KCNMA1: variants seen among roughly 807,000 people sequenced by gnomAD.
The protein encoded by KCNMA1 is Calcium-activated potassium channel subunit alpha-1.
A neutral mutation model predicts 140.0 loss-of-function variants in KCNMA1; 29 were observed. The observed-to-expected ratio is 0.21, with a 90% CI of 0.15 to 0.28. The LOEUF (loss-of-function observed/expected upper bound fraction) is 0.28, where lower values mean the gene tolerates loss of function less well. Ranked by LOEUF, KCNMA1 falls within the 10% of genes least tolerant of loss-of-function variation. The probability of loss-of-function intolerance (pLI) is 1.00; values close to 1 mark genes in which losing one functional copy is unlikely to be tolerated. For synonymous variants in KCNMA1, 612 were observed against 611.9 expected (o/e 1.00, Z 0.00); for missense variants, 880 against 1,602.2 (o/e 0.55, Z 7.70).
At chr10:77,623,010 G>A (rs2091786436) in intron 1 of KCNMA1, among the ~76,000 whole-genome samples, 1 of 152,218 alleles carries the variant, frequency 6.6e-6, no homozygotes, top group Non-Finnish European at 1.5e-5. Flanking sequence ...CTGGTGAGAT[G>A]AGGAAGAAAG....
intron 12 of KCNMA1, chr10:77,079,836 T>A: frequency 2.1e-6 from 1 of 477,082 alleles, no homozygotes; most frequent in South Asian, 2.1e-5. Flanking sequence ...CCCTAGAACA[T>A]TACTATTACT....
chr10:77,284,314 C>T (rs1435490921), intron 2 of KCNMA1, among the ~76,000 whole-genome samples: 1 of 151,942 alleles, frequency 6.6e-6, no homozygotes, highest in African/African-American at 2.4e-5. Flanking sequence ...CATTTTGTTC[C>T]CTGGGAGAGT....
intron 9 of KCNMA1, among the ~76,000 whole-genome samples, chr10:77,095,777 C>T (rs2096917011): frequency 1.3e-5 from 2 of 152,154 alleles, no homozygotes; most frequent in Middle Eastern, 3.2e-3. Flanking sequence ...AGCCTGCATG[C>T]CCAAGTTGAG....
At chr10:77,528,237 G>A (rs114973499) in intron 1 of KCNMA1, among the ~76,000 whole-genome samples, 2,973 of 152,264 alleles carry the variant, frequency 0.02, 110 homozygotes, top group African/African-American at 0.068. Flanking sequence ...ACATCCTCAA[G>A]AATCCAGCAA....
intron 21 of KCNMA1, chr10:76,951,891 C>G (rs1173957917): frequency 1.3e-6 from 1 of 793,398 alleles, no homozygotes; most frequent in African/African-American, 1.7e-5. Context: ...CCCAGCCCCA[C>G]CCTGCTAGAA....
intron 1 of KCNMA1, among the ~76,000 whole-genome samples, chr10:77,459,356 G>A (rs1297205798): frequency 6.6e-6 from 1 of 152,250 alleles, no homozygotes; most frequent in African/African-American, 2.4e-5. Flanking sequence ...AACACACAGA[G>A]AGAGACACAA....
intron 5 of KCNMA1, among the ~76,000 whole-genome samples, chr10:77,166,396 G>A (rs2098642633): frequency 6.6e-6 from 1 of 152,160 alleles, no homozygotes; most frequent in Non-Finnish European, 1.5e-5. Flanking sequence ...CTTTGTGGTG[G>A]ATACTGGGCA....
intron 1 of KCNMA1, among the ~76,000 whole-genome samples, chr10:77,572,548 G>T: frequency 1.6e-5 from 1 of 60,838 alleles, no homozygotes; most frequent in Admixed American, 2.2e-4. Flanking sequence ...AAACTCTGTC[G>T]CTCCAAAAAA....
intron 18 of KCNMA1, among the ~76,000 whole-genome samples, chr10:77,004,199 A>G (rs2087538612): frequency 6.8e-6 from 1 of 146,836 alleles, no homozygotes; most frequent in Admixed American, 7.0e-5. Context: ...ATCTCAAAAG[A>G]CAAACAAGTG....
chr10:76,954,386 G>C (rs1392227991), intron 20 of KCNMA1, among the ~76,000 whole-genome samples: 1 of 152,194 alleles, frequency 6.6e-6, no homozygotes, highest in Non-Finnish European at 1.5e-5. Flanking sequence ...TGACTGACTG[G>C]CATGAGGATG....
At chr10:77,291,637 C>G (rs1031111397) in intron 2 of KCNMA1, among the ~76,000 whole-genome samples, 3 of 152,180 alleles carry the variant, frequency 2.0e-5, no homozygotes, top group African/African-American at 7.2e-5. Flanking sequence ...GGAGAATAAT[C>G]AACAGAAGGA....
intron 22 of KCNMA1, among the ~76,000 whole-genome samples, chr10:76,946,437 G>C (rs995324382): frequency 2.0e-5 from 3 of 152,202 alleles, no homozygotes; most frequent in African/African-American, 7.2e-5. Context: ...CCTTTCTGGA[G>C]AACTGGCTTT....
At chr10:77,296,263 G>A (rs1319786975) in intron 2 of KCNMA1, among the ~76,000 whole-genome samples, 1 of 152,112 alleles carries the variant, frequency 6.6e-6, no homozygotes, top group Non-Finnish European at 1.5e-5. Flanking sequence ...AGTAAGAAGT[G>A]ATGTGAGGAA....
intron 1 of KCNMA1, among the ~76,000 whole-genome samples, chr10:77,458,597 T>C (rs969494155): frequency 2.0e-5 from 3 of 152,244 alleles, no homozygotes; most frequent in Non-Finnish European, 4.4e-5. Flanking sequence ...ACCTCAAAAA[T>C]GGCAATTTCA....
At chr10:77,517,308 G>A (rs985036000) in intron 1 of KCNMA1, among the ~76,000 whole-genome samples, 1 of 152,168 alleles carries the variant, frequency 6.6e-6, no homozygotes, top group Non-Finnish European at 1.5e-5. Context: ...AACCGGGCAG[G>A]CAAAACCACC....
At chr10:77,491,823 T>A (rs1449884856) in intron 1 of KCNMA1, among the ~76,000 whole-genome samples, 1 of 152,138 alleles carries the variant, frequency 6.6e-6, no homozygotes. Flanking sequence ...TGCAAGTAGT[T>A]ATTTTGAGAA....
At chr10:77,327,480 G>C (rs1008925256) in intron 2 of KCNMA1, among the ~76,000 whole-genome samples, 1 of 151,894 alleles carries the variant, frequency 6.6e-6, no homozygotes, top group African/African-American at 2.4e-5. Context: ...CAGCCTCCTA[G>C]GTAGCTGAGA....
chr10:76,962,373 T>C lies in KCNMA1; in HGVS notation c.2360+7601A>G, dbSNP rs115896023. Among the ~76,000 whole-genome samples the C allele has an allele frequency of 1.3e-3, 201 of 152,306 alleles. 1 individual carries two copies. The highest frequency in any genetic ancestry group is 4.7e-3 in the African/African-American group (195 of 41,572). On this transcript the variant is annotated intron_variant, in intron 20 of 27. Coordinates refer to ENST00000286628, the MANE Select transcript of KCNMA1 (RefSeq NM_001161352.2). ...CATGTCTTATCACACGATAAGGCCT[T>C]TTCTGTCATTATGAGCATCCCATCC...
At chr10:77,260,695 C>A (rs1022886643) in intron 2 of KCNMA1, among the ~76,000 whole-genome samples, 1 of 151,992 alleles carries the variant, frequency 6.6e-6, no homozygotes, top group African/African-American at 2.4e-5. Context: ...GGCAACAGAG[C>A]GAGACTCCAT....
Sources: allele counts gnomAD v4.1 joint callset (sites outside exome capture counted in the v4.1 genomes callset), GRCh38; gene constraint gnomAD v4.1.1; transcripts MANE v1.5; gene names NCBI Gene and HGNC (gene_info 2026-07-23, HGNC 2026-07-21).